The following CNTN5 variants were observed in gnomAD, a reference collection of about 807,000 sequenced individuals.
CNTN5 encodes contactin-5.
CNTN5 carries 77 observed loss-of-function variants against 129.1 expected under a neutral mutation model. That is an observed-to-expected ratio of 0.60 (90% confidence interval 0.50 to 0.72). The LOEUF is 0.72. CNTN5 is among the 30% of genes least tolerant of loss of function. CNTN5 has a pLI of 0.00. For missense variants in CNTN5, 1,478 were observed against 1,328.8 expected (o/e 1.11, Z -1.75); for synonymous variants, 509 against 465.6 (o/e 1.09, Z -1.20).
rs75313370 is a variant in CNTN5 at position 99,852,763 on chromosome 11, C to A, written c.577+7501C>A. Among the ~76,000 whole-genome samples, 85 of 152,190 alleles carry A rather than the reference C, an allele frequency of 5.6e-4. 2 individuals carry two copies. In the East Asian group the frequency reaches 0.016, roughly 29 times the overall value. ...CTTTTAGGAATTCACAAAGTCAGTT[C>A]TTCATTCAAGTTGTAAAGTAACAAG... On this transcript the variant is annotated intron_variant, in intron 6 of 24. Coordinates refer to ENST00000524871, the MANE Select transcript of CNTN5 (RefSeq NM_014361.4).
At chr11:99,230,100 T>C (rs1358379495) in intron 1 of CNTN5, among the ~76,000 whole-genome samples, 1 of 152,130 alleles carries the variant, frequency 6.6e-6, no homozygotes, top group African/African-American at 2.4e-5. Flanking sequence ...ATACAATGAT[T>C]CTTCTATTGT....
chr11:99,680,708 T>C (rs758711028), intron 3 of CNTN5, among the ~76,000 whole-genome samples: 1 of 151,872 alleles, frequency 6.6e-6, no homozygotes, highest in Admixed American at 6.6e-5. Context: ...TGAATCCTTA[T>C]CAGAAGGTTT....
chr11:99,445,718 T>G (rs1446898997), intron 2 of CNTN5, among the ~76,000 whole-genome samples: 6 of 152,166 alleles, frequency 3.9e-5, no homozygotes, highest in South Asian at 4.1e-4. Context: ...ACTCAACCAT[T>G]TTCTTTTTTA....
intron 1 of CNTN5, among the ~76,000 whole-genome samples, chr11:99,240,275 A>T (rs1326867361): frequency 1.3e-5 from 2 of 152,134 alleles, no homozygotes; most frequent in African/African-American, 4.8e-5. Flanking sequence ...AGAGGAAATA[A>T]TGAGAAAAAA....
intron 3 of CNTN5, among the ~76,000 whole-genome samples, chr11:99,762,460 A>T (rs1217751381): frequency 1.3e-5 from 2 of 151,808 alleles, no homozygotes; most frequent in Non-Finnish European, 2.9e-5. Flanking sequence ...TAAGGAAGGG[A>T]TCCAGTTTCA....
chr11:99,814,509 C>T (rs1029238505), intron 3 of CNTN5, among the ~76,000 whole-genome samples: 4 of 152,136 alleles, frequency 2.6e-5, no homozygotes, highest in Admixed American at 1.3e-4. Flanking sequence ...CAGCATGATA[C>T]TGTATTCTTT....
intron 9 of CNTN5, chr11:100,003,714 C>G (rs148069295): frequency 3.9e-5 from 6 of 152,284 alleles, no homozygotes; most frequent in Non-Finnish European, 5.9e-5. Flanking sequence ...TAAGACCCAA[C>G]AGTCAAATCA....
chr11:99,145,219 G>A (rs1233818449), intron 1 of CNTN5, among the ~76,000 whole-genome samples: 1 of 152,040 alleles, frequency 6.6e-6, no homozygotes. Flanking sequence ...ACAAGCATGA[G>A]CAACCATGCC....
chr11:100,061,531 A>G lies in CNTN5; in HGVS notation c.1162+138A>G, dbSNP rs1439581113. 12 of 611,510 alleles carry G rather than the reference A, an allele frequency of 2.0e-5. No homozygotes were observed. In the Admixed American group the frequency reaches 2.7e-4, roughly 14 times the overall value. The allele number at this position is 611,510 out of a possible 1,614,324, so 37.9% of individuals were successfully genotyped here. ...TATAATCATACTTCATTCGTATGGT[A>G]AGGCATCATGTCAAATTACCCTATA... On this transcript the variant is annotated intron_variant, in intron 10 of 24. Coordinates refer to ENST00000524871, the MANE Select transcript of CNTN5 (RefSeq NM_014361.4).
At chr11:99,650,131 T>G (rs1952099811) in intron 3 of CNTN5, among the ~76,000 whole-genome samples, 1 of 151,928 alleles carries the variant, frequency 6.6e-6, no homozygotes, top group Admixed American at 6.6e-5. Flanking sequence ...TAATAAATTT[T>G]TTGGTATGGA....
At chr11:100,337,116 C>A in intron 21 of CNTN5, 1 of 1,412,714 alleles carries the variant, frequency 7.1e-7, no homozygotes, top group Middle Eastern at 2.5e-4. Context: ...AGACTTCAAC[C>A]AACATTGTTT....
At chr11:99,326,418 G>C (rs540147472) in intron 2 of CNTN5, among the ~76,000 whole-genome samples, 34 of 152,266 alleles carry the variant, frequency 2.2e-4, no homozygotes, top group African/African-American at 7.9e-4. Flanking sequence ...ATTCAAAATA[G>C]GAGAGGAGTT....
chr11:99,182,268 CAAATT>C, intron 1 of CNTN5, among the ~76,000 whole-genome samples: 1 of 152,184 alleles, frequency 6.6e-6, no homozygotes, highest in South Asian at 2.1e-4. Flanking sequence ...CGTAGAGTGT[CAAATT>C]GAAGTAAATG....
chr11:99,172,156 T>A (rs1199585648), intron 1 of CNTN5, among the ~76,000 whole-genome samples: 1 of 152,196 alleles, frequency 6.6e-6, no homozygotes, highest in African/African-American at 2.4e-5. Flanking sequence ...GTTCTGCCTC[T>A]GTGGCATAGT....
chr11:99,771,447 A>C (rs1175148617), intron 3 of CNTN5, among the ~76,000 whole-genome samples: 1 of 152,108 alleles, frequency 6.6e-6, no homozygotes, highest in Non-Finnish European at 1.5e-5. Flanking sequence ...GTATTTACAC[A>C]CAATGAAATA....
At chr11:100,092,273 AT>A (rs762892656) in intron 13 of CNTN5, among the ~76,000 whole-genome samples, 9 of 152,152 alleles carry the variant, frequency 5.9e-5, no homozygotes, top group Non-Finnish European at 1.0e-4. Flanking sequence ...CTATCACTAA[AT>A]TAAAAAGAAA....
At chr11:99,559,579 T>C (rs1948774691) in intron 3 of CNTN5, among the ~76,000 whole-genome samples, 1 of 152,150 alleles carries the variant, frequency 6.6e-6, no homozygotes, top group Non-Finnish European at 1.5e-5. Flanking sequence ...AAGATACAGA[T>C]TGATGGGAAC....
intron 1 of CNTN5, among the ~76,000 whole-genome samples, chr11:99,216,469 C>T (rs892218468): frequency 5.3e-5 from 8 of 151,974 alleles, no homozygotes; most frequent in Non-Finnish European, 1.2e-4. Flanking sequence ...CTGGGAGTGC[C>T]GATATCTCTT....
chr11:99,912,505 G>T (rs1007072464), intron 6 of CNTN5, among the ~76,000 whole-genome samples: 1 of 151,774 alleles, frequency 6.6e-6, no homozygotes, highest in Non-Finnish European at 1.5e-5. Flanking sequence ...TATATAGTAT[G>T]CATTGAATAA....
Sources: allele counts gnomAD v4.1 joint callset (sites outside exome capture counted in the v4.1 genomes callset), GRCh38; gene constraint gnomAD v4.1.1; transcripts MANE v1.5; gene names NCBI Gene and HGNC (gene_info 2026-07-23, HGNC 2026-07-21).